The following ZNF124 variants were observed in gnomAD, a reference collection of about 807,000 sequenced individuals.
The protein encoded by ZNF124 is zinc finger protein HZF-16.
In ZNF124, 25 loss-of-function variants were observed where a neutral mutation model predicts 26.6. That is an observed-to-expected ratio of 0.94 (90% confidence interval 0.68 to 1.31). The LOEUF (loss-of-function observed/expected upper bound fraction) is 1.31. Ranked by LOEUF, ZNF124 falls within the 40% of genes most tolerant of loss-of-function variation. The probability of loss-of-function intolerance (pLI) is 0.00; values close to 1 mark genes in which losing one functional copy is unlikely to be tolerated. For synonymous variants in ZNF124, 129 were observed against 133.3 expected (o/e 0.97, Z 0.22); for missense variants, 444 against 422.2 (o/e 1.05, Z -0.45).
chr1:247,133,841 CAG>C (rs934734301), intron 3 of ZNF124, among the ~76,000 whole-genome samples: 3 of 151,786 alleles, frequency 2.0e-5, no homozygotes, highest in Non-Finnish European at 4.4e-5. Context: ...TTAGTAGAGA[CAG>C]GGTTTCATCA....
At chr1:247,149,465 G>T (rs1175459729) in intron 3 of ZNF124, among the ~76,000 whole-genome samples, 1 of 152,164 alleles carries the variant, frequency 6.6e-6, no homozygotes, top group Non-Finnish European at 1.5e-5. Context: ...ATTAATAGAT[G>T]AATGGATACA....
chr1:247,158,945 T>C, intron 3 of ZNF124, 61 bp downstream of exon 3: 8 of 1,498,562 alleles, frequency 5.3e-6, no homozygotes, highest in Non-Finnish European at 7.3e-6. Flanking sequence ...GCTTTAAACA[T>C]ATGATTATAT....
intron 3 of ZNF124, among the ~76,000 whole-genome samples, chr1:247,148,531 A>G (rs2103111325): frequency 6.6e-6 from 1 of 152,294 alleles, no homozygotes; most frequent in East Asian, 1.9e-4. Flanking sequence ...TCATCACACA[A>G]ATGGAAGCAA....
chr1:247,153,743 G>A (rs1470727704), downstream of ZNF124, among the ~76,000 whole-genome samples: 3 of 152,316 alleles, frequency 2.0e-5, no homozygotes, highest in South Asian at 2.1e-4. Flanking sequence ...TCTTGCTGAA[G>A]TTAGCGTCCA....
chr1:247,129,971 G>C (rs971242300), intron 3 of ZNF124, among the ~76,000 whole-genome samples: 2 of 134,330 alleles, frequency 1.5e-5, no homozygotes, highest in African/African-American at 7.0e-5. Flanking sequence ...TGAGAGGGAG[G>C]GTGGACATTG....
chr1:247,142,144 T>C (rs1314387509), intron 3 of ZNF124, among the ~76,000 whole-genome samples: 1 of 152,160 alleles, frequency 6.6e-6, no homozygotes, highest in Non-Finnish European at 1.5e-5. Context: ...AGCCTATCTA[T>C]AGATGAGATG....
At position 247,124,873 on chromosome 1, in the gene ZNF124, C is replaced by T. The variant is rs1672169796; in HGVS notation, c.219-1002G>A. On this transcript the variant is annotated intron_variant, in intron 3 of 3. Transcript: ENST00000472531. ...AGTGCAGTGGTGTGATCATGGCTTA[C>T]TGCATCCTCGACCTCCCCAGGCTCA... Among the ~76,000 whole-genome samples the T allele has an allele frequency of 2.0e-5, 3 of 152,318 alleles. No homozygotes were observed. The South Asian group carries it at 6.2e-4, about 32-fold the overall frequency.
chr1:247,141,274 C>G (rs925107956), intron 3 of ZNF124, among the ~76,000 whole-genome samples: 1 of 151,432 alleles, frequency 6.6e-6, no homozygotes, highest in Non-Finnish European at 1.5e-5. Flanking sequence ...ATTCATTTGT[C>G]TGAGGATAGC....
At chr1:247,160,536 A>C (rs1461140195) in intron 1 of ZNF124, among the ~76,000 whole-genome samples, 1 of 152,176 alleles carries the variant, frequency 6.6e-6, no homozygotes, top group Non-Finnish European at 1.5e-5. Context: ...GGGAACTTAC[A>C]TTTTAAGAGG....
At chr1:247,150,299 G>A (rs1353565244), downstream of ZNF124, among the ~76,000 whole-genome samples, 1 of 151,740 alleles carries the variant, frequency 6.6e-6, no homozygotes, top group Non-Finnish European at 1.5e-5. Flanking sequence ...AGCAAAAAAG[G>A]CCCACTGAAG....
intron 3 of ZNF124, among the ~76,000 whole-genome samples, chr1:247,136,124 A>C (rs1292978764): frequency 6.6e-6 from 1 of 152,188 alleles, no homozygotes; most frequent in Non-Finnish European, 1.5e-5. Context: ...GTATAAGACA[A>C]GGATGACCTC....
intron 3 of ZNF124, among the ~76,000 whole-genome samples, chr1:247,136,419 C>CT (rs1454957126): frequency 6.6e-6 from 1 of 152,032 alleles, no homozygotes; most frequent in Non-Finnish European, 1.5e-5. Context: ...AATAAAATAC[C>CT]TAGGAGTACA....
At chr1:247,162,266 T>TAA (rs1490596990) in intron 1 of ZNF124, among the ~76,000 whole-genome samples, 1 of 152,158 alleles carries the variant, frequency 6.6e-6, no homozygotes, top group African/African-American at 2.4e-5. Flanking sequence ...ATATGAATAG[T>TAA]AACCTTGAAT....
rs779659255 is a variant in ZNF124 at position 247,159,976 on chromosome 1, G to GTTT, written c.31-164_31-163insAAA. On this transcript the variant is annotated intron_variant, in intron 1 of 3. Transcript: ENST00000543802. Reference sequence around the variant, plus strand: ...TACACTTCCTTTCTCCCACATAGCAGTTCTTTTTTTTTTTTTTTTTTTTTT... The same window carrying GTTT: ...TACACTTCCTTTCTCCCACATAGCAGTTTTTCTTTTTTTTTTTTTTTTTTTTTT... 5.5e-3 allele frequency: 1,364 copies of GTTT among 246,846 alleles called. 36 individuals are homozygous for GTTT. Among genetic ancestry groups the GTTT allele is most frequent in the African/African-American group, 0.011 (383 of 34,256 alleles). 15.3% of individuals were successfully genotyped at this position (246,846 alleles called of 1,614,324 possible).
intron 3 of ZNF124, among the ~76,000 whole-genome samples, chr1:247,147,292 TCTC>T (rs1253190778): frequency 6.6e-6 from 1 of 150,888 alleles, no homozygotes; most frequent in South Asian, 2.1e-4. Flanking sequence ...AGTGGCACGA[TCTC>T]AGCCCACTGC....
At chr1:247,138,984 T>C (rs1251689091) in intron 3 of ZNF124, among the ~76,000 whole-genome samples, 1 of 152,258 alleles carries the variant, frequency 6.6e-6, no homozygotes, top group African/African-American at 2.4e-5. Context: ...TTGTCTCTTA[T>C]CTACCGATGA....
rs960266124 is a variant in ZNF124, at chr1:247,168,211, C to T, written c.30+3637G>A. 6.6e-6 allele frequency among the ~76,000 whole-genome samples: 1 copy of T among 152,156 alleles called. No homozygotes were observed. On this transcript the variant is annotated intron_variant, in intron 1 of 3. Transcript: ENST00000543802. This position sits in a 1 kb window ranked among gnomAD's most constrained non-coding sequence, Gnocchi z 4.0. Reference sequence around the variant, plus strand: ...CAGCAATGCCACTACTGGGTATGTACCCAAAGGAAAAGAAGTCATTATATG... The same window carrying T: ...CAGCAATGCCACTACTGGGTATGTATCCAAAGGAAAAGAAGTCATTATATG...
In ZNF124 at chr1:247,127,690, A is replaced by G. The variant is rs190661973; in HGVS notation, c.219-3819T>C. ...TCTGTTCCGTTCTGATTGCCGGTGC[A>G]TGCAGCCCCCAGTCACGTACCCCCT... is the stretch of plus-strand genomic sequence containing the variant. On this transcript the variant is annotated intron_variant, in intron 3 of 3. Transcript: ENST00000472531. Among the ~76,000 whole-genome samples the G allele has an allele frequency of 4.0e-5, 6 of 148,788 alleles. 1 individual carries two copies. The highest frequency in any genetic ancestry group is 2.1e-4 in the Admixed American group (3 of 14,396).
downstream of ZNF124, among the ~76,000 whole-genome samples, chr1:247,150,830 CTG>C (rs1672912741): frequency 6.6e-6 from 1 of 151,676 alleles, no homozygotes; most frequent in African/African-American, 2.4e-5. Flanking sequence ...AACAAAATCT[CTG>C]TGGCCTTAAG....
Sources: gnomAD v4.1 joint callset for allele counts (sites outside exome capture counted in the v4.1 genomes callset) on GRCh38, gnomAD v4.1.1 for gene constraint, Gnocchi (gnomAD v3.1) non-coding constraint, MANE v1.5 for transcripts, NCBI Gene and HGNC (gene_info 2026-07-23, HGNC 2026-07-21) for gene names.